The following RBM33 variants were observed in gnomAD, a reference collection of about 807,000 sequenced individuals.
The protein encoded by RBM33 is RNA binding motif protein 33.
A neutral mutation model predicts 132.6 loss-of-function variants in RBM33; 28 were observed. The observed-to-expected ratio is 0.21, with a 90% CI of 0.16 to 0.29. The LOEUF is 0.29. Ranked by LOEUF, RBM33 falls within the 10% of genes least tolerant of loss-of-function variation. The pLI, the probability that RBM33 is intolerant of heterozygous loss-of-function variation, is 1.00. For missense variants in RBM33, 1,291 were observed against 1,518.5 expected (o/e 0.85, Z 2.49); for synonymous variants, 634 against 593.0 (o/e 1.07, Z -1.01).
In RBM33 at chr7:155,648,782, C is replaced by CA. The variant is rs201107913; in HGVS notation, c.43+3864dup. ...GTACTAATGACAAAGTCCCTTAGGT[C>CA]ATACCTGGGGATATAATTTTTGAAT... On this transcript the variant is annotated intron_variant, in intron 1 of 17. Coordinates refer to ENST00000401878, the MANE Select transcript of RBM33 (RefSeq NM_053043.3). 5.7e-3 allele frequency among the ~76,000 whole-genome samples: 866 copies of CA among 152,252 alleles called. 5 individuals carry two copies. The highest frequency in any genetic ancestry group is 0.024 in the Middle Eastern group (7 of 294).
At chr7:155,701,530 TAC>T (rs1799963669) in intron 6 of RBM33, 4 of 153,004 alleles carry the variant, frequency 2.6e-5, no homozygotes, top group African/African-American at 9.7e-5. Flanking sequence ...CCCCTCATTA[TAC>T]AGTGTTTTTC....
chr7:155,729,823 C>A (rs569830400), intron 9 of RBM33, among the ~76,000 whole-genome samples: 82 of 152,134 alleles, frequency 5.4e-4, no homozygotes, highest in African/African-American at 1.8e-3. Context: ...CAGTGATCAC[C>A]CCAGATCTTG....
intron 15 of RBM33, 45 bp downstream of exon 15, chr7:155,764,063 G>T (rs557495530): frequency 1.4e-6 from 2 of 1,425,598 alleles, no homozygotes; most frequent in East Asian, 2.5e-5. Flanking sequence ...CGCGAAGGCC[G>T]GTGTGAGGCA....
chr7:155,761,617 A>G (rs1802039367), intron 14 of RBM33, among the ~76,000 whole-genome samples: 1 of 152,022 alleles, frequency 6.6e-6, no homozygotes, highest in Admixed American at 6.5e-5. Context: ...CTTAGGGTCC[A>G]TTGCGGTGAT....
intron 3 of RBM33, among the ~76,000 whole-genome samples, chr7:155,673,183 CAT>C (rs149885358): frequency 0.031 from 4,714 of 152,142 alleles, 233 homozygotes; most frequent in African/African-American, 0.11. Context: ...ACAGCGTTAA[CAT>C]AGAGTTATTC....
Position 155,760,139 on chromosome 7 carries a change from G to A in RBM33, c.2980-3673G>A, listed in dbSNP as rs191827853. Among the ~76,000 whole-genome samples, 33 of 152,308 alleles carry A rather than the reference G, an allele frequency of 2.2e-4. No homozygotes were observed. In the East Asian group the frequency reaches 6.0e-3, roughly 28 times the overall value. On this transcript the variant is annotated intron_variant, in intron 14 of 17. Transcript: ENST00000401878. ...TGATCTATTCACTAAATATTTCAGT[G>A]CCTTCTGTGTGCATGAGACATTTTG... is the stretch of plus-strand genomic sequence containing the variant.
chr7:155,707,853 T>C (rs1189775891), intron 7 of RBM33, among the ~76,000 whole-genome samples: 2 of 152,178 alleles, frequency 1.3e-5, no homozygotes, highest in African/African-American at 2.4e-5. Flanking sequence ...AGAGACTGGG[T>C]TTCACCATGT....
intron 14 of RBM33, among the ~76,000 whole-genome samples, chr7:155,760,850 A>G (rs1272039439): frequency 6.6e-6 from 1 of 152,188 alleles, no homozygotes; most frequent in Non-Finnish European, 1.5e-5. Flanking sequence ...AAGATTTAAG[A>G]GGCACAAACT....
At chr7:155,759,682 G>T (rs1801970621) in intron 14 of RBM33, among the ~76,000 whole-genome samples, 1 of 152,156 alleles carries the variant, frequency 6.6e-6, no homozygotes, top group African/African-American at 2.4e-5. Flanking sequence ...GCCTCCCAAA[G>T]CACAGTTTAA....
intron 5 of RBM33, among the ~76,000 whole-genome samples, chr7:155,689,334 T>A (rs1799567062): frequency 6.6e-6 from 1 of 152,206 alleles, no homozygotes; most frequent in South Asian, 2.1e-4. Context: ...TTTATCATTT[T>A]TTATTGCGTC....
At chr7:155,651,966 G>A (rs1251895467) in intron 1 of RBM33, among the ~76,000 whole-genome samples, 2 of 152,318 alleles carry the variant, frequency 1.3e-5, no homozygotes, top group Middle Eastern at 3.4e-3. Context: ...GCAACATGGT[G>A]TAGGAACTCT....
chr7:155,760,503 G>A (rs1409016135), intron 14 of RBM33, among the ~76,000 whole-genome samples: 3 of 152,132 alleles, frequency 2.0e-5, no homozygotes, highest in Non-Finnish European at 4.4e-5. Flanking sequence ...TGAAGTGTTC[G>A]CGCTTGTAAA....
intron 2 of RBM33, among the ~76,000 whole-genome samples, chr7:155,671,418 A>G (rs1345856253): frequency 6.6e-6 from 1 of 152,190 alleles, no homozygotes; most frequent in East Asian, 1.9e-4. Context: ...GTAAAATGTA[A>G]TATAGGACTT....
At chr7:155,769,726 A>G (rs1039065784) in intron 16 of RBM33, among the ~76,000 whole-genome samples, 2 of 151,958 alleles carry the variant, frequency 1.3e-5, no homozygotes, top group African/African-American at 4.8e-5. Flanking sequence ...TGGTTGGTGA[A>G]GTAGAAAATG....
intron 5 of RBM33, among the ~76,000 whole-genome samples, chr7:155,687,442 T>C (rs995597758): frequency 6.6e-6 from 1 of 152,262 alleles, no homozygotes; most frequent in African/African-American, 2.4e-5. Context: ...TTCACTCTGA[T>C]GGTAGTTTCC....
rs751979971 is a variant in RBM33, at chr7:155,763,874, G to A, written c.3042G>A (p.Pro1014=). ...AGCCCCAGCGGCTTCCCCAGCCTCC[G>A]GAAGTGGGACCACAGCCTGCCCGCA... ...EGQPQRLPQP[P]EVGPQPARKV... is the part of the protein sequence containing the mutation. Residue 1014 remains proline (P), a synonymous_variant, in exon 15 of 18, where the codon CCG becomes CCA. Coordinates refer to ENST00000401878, the MANE Select transcript of RBM33 (RefSeq NM_053043.3). The A allele has an allele frequency of 1.1e-5, 18 of 1,611,632 alleles. No individual in the cohort carries two copies. The Middle Eastern group carries it at 4.9e-4, about 44-fold the overall frequency.
At chr7:155,663,739 T>C (rs1563132812) in intron 1 of RBM33, among the ~76,000 whole-genome samples, 1 of 152,180 alleles carries the variant, frequency 6.6e-6, no homozygotes, top group African/African-American at 2.4e-5. Context: ...TTCCTGAGGC[T>C]TTATAGGTGT....
At chr7:155,690,042 G>A (rs1476300460) in intron 5 of RBM33, among the ~76,000 whole-genome samples, 1 of 152,136 alleles carries the variant, frequency 6.6e-6, no homozygotes, top group Non-Finnish European at 1.5e-5. Context: ...TTTCTGTCTC[G>A]TTGATCTGTC....
chr7:155,684,844 TA>T, intron 5 of RBM33: 3 of 1,391,978 alleles, frequency 2.2e-6, no homozygotes, highest in Non-Finnish European at 2.9e-6. Flanking sequence ...CTACAATTAT[TA>T]AGCATGAATC....
Sources: allele counts gnomAD v4.1 joint callset (sites outside exome capture counted in the v4.1 genomes callset), GRCh38; gene constraint gnomAD v4.1.1; transcripts MANE v1.5; gene names NCBI Gene and HGNC (gene_info 2026-07-23, HGNC 2026-07-21).